DCBLD1: variants seen among roughly 807,000 people sequenced by gnomAD.
DCBLD1 encodes discoidin, CUB and LCCL domain containing 1.
In DCBLD1, 57 loss-of-function variants were observed where a neutral mutation model predicts 71.5. The observed-to-expected ratio is 0.80, with a 90% CI of 0.64 to 0.99. The LOEUF (loss-of-function observed/expected upper bound fraction) is 0.99, where lower values mean the gene tolerates loss of function less well. Among genes scored for constraint, DCBLD1 ranks in the 50% least tolerant of loss-of-function variants. The probability of loss-of-function intolerance (pLI) is 0.00; values close to 1 mark genes in which losing one functional copy is unlikely to be tolerated. For missense variants in DCBLD1, 891 were observed against 923.5 expected, an observed-to-expected ratio of 0.96 and a Z score of 0.46; for synonymous variants, 380 against 363.8, an observed-to-expected ratio of 1.04 and a Z score of -0.51.
At chr6:117,528,463 A>G (rs1170341576) in intron 5 of DCBLD1, among the ~76,000 whole-genome samples, 1 of 152,160 alleles carries the variant, frequency 6.6e-6, no homozygotes, top group Non-Finnish European at 1.5e-5. Context: ...TTTTTGTTAC[A>G]CTTCCTTTTA....
At chr6:117,566,409 C>T (rs1201547455) in intron 14 of DCBLD1, among the ~76,000 whole-genome samples, 5 of 151,930 alleles carry the variant, frequency 3.3e-5, no homozygotes, top group Non-Finnish European at 7.4e-5. Context: ...ACCAAACATC[C>T]CCAAGATAAT....
chr6:117,490,874 G>A (rs1582962021), intron 1 of DCBLD1, among the ~76,000 whole-genome samples: 1 of 152,098 alleles, frequency 6.6e-6, no homozygotes, highest in Admixed American at 6.5e-5. Flanking sequence ...TTGCATTTGA[G>A]CATGTTTAGT....
At chr6:117,533,666 C>T (rs1374046365) in intron 6 of DCBLD1, among the ~76,000 whole-genome samples, 3 of 152,190 alleles carry the variant, frequency 2.0e-5, no homozygotes, top group Admixed American at 1.3e-4. Context: ...TTGGGACTAA[C>T]ACCCATTTTA....
At chr6:117,504,931 A>T (rs976671112) in intron 2 of DCBLD1, among the ~76,000 whole-genome samples, 1 of 152,178 alleles carries the variant, frequency 6.6e-6, no homozygotes, top group African/African-American at 2.4e-5. Flanking sequence ...TCAAACACAC[A>T]CAGCTTTCTC....
downstream of DCBLD1, among the ~76,000 whole-genome samples, chr6:117,552,809 C>A (rs1779448562): frequency 6.6e-6 from 1 of 152,170 alleles, no homozygotes; most frequent in Admixed American, 6.5e-5. Flanking sequence ...TCCAGCAATT[C>A]TCTATCAGCT....
chr6:117,485,222 C>T (rs1162714960), intron 1 of DCBLD1, among the ~76,000 whole-genome samples: 1 of 152,134 alleles, frequency 6.6e-6, no homozygotes, highest in African/African-American at 2.4e-5. Context: ...ATTTGTGCAA[C>T]CTAAAACTCC....
At position 117,548,653 on chromosome 6, in the gene DCBLD1, T is replaced by C; in HGVS notation, c.*214T>C. Reference sequence around the variant, plus strand: ...CGTGCTGACCCTTAGGGTGCGTCTGTTGGGTTTTGTTGGGCTAGAAAAATG... The same window carrying C: ...CGTGCTGACCCTTAGGGTGCGTCTGCTGGGTTTTGTTGGGCTAGAAAAATG... On this transcript the variant is annotated 3_prime_UTR_variant, in exon 15 of 15. Coordinates refer to ENST00000338728, the MANE Select transcript of DCBLD1 (RefSeq NM_001366458.2). The C allele has an allele frequency of 7.1e-7, 1 of 1,418,228 alleles. No homozygotes were observed. Among genetic ancestry groups the C allele is most frequent in the Non-Finnish European group, 9.2e-7 (1 of 1,092,140 alleles). The allele number at this position is 1,418,228 out of a possible 1,614,324, so 87.9% of individuals were successfully genotyped here.
chr6:117,490,104 C>CACAG (rs1404072607), intron 1 of DCBLD1, among the ~76,000 whole-genome samples: 1 of 142,604 alleles, frequency 7.0e-6, no homozygotes, highest in Admixed American at 6.8e-5. Context: ...CACACACACA[C>CACAG]ACACACACAC....
At chr6:117,490,675 C>T (rs1777260631) in intron 1 of DCBLD1, among the ~76,000 whole-genome samples, 1 of 150,088 alleles carries the variant, frequency 6.7e-6, no homozygotes, top group Non-Finnish European at 1.5e-5. Context: ...CATTATTAGA[C>T]TATTTGGAGT....
intron 4 of DCBLD1, among the ~76,000 whole-genome samples, chr6:117,522,687 G>A (rs1222343478): frequency 6.6e-6 from 1 of 152,128 alleles, no homozygotes; most frequent in East Asian, 1.9e-4. Context: ...GCTTCCCAAA[G>A]TGCTGGGATT....
intron 14 of DCBLD1, chr6:117,563,507 A>C (rs993740597): frequency 7.0e-6 from 6 of 855,530 alleles, no homozygotes; most frequent in Non-Finnish European, 1.1e-5. Context: ...GGATAACCTG[A>C]GGTTAGGGGT....
intron 1 of DCBLD1, among the ~76,000 whole-genome samples, chr6:117,495,261 A>G (rs1290828031): frequency 6.6e-6 from 1 of 152,206 alleles, no homozygotes; most frequent in Non-Finnish European, 1.5e-5. Context: ...AGGAAAATTG[A>G]TATACACTAA....
At chr6:117,515,705 A>G (rs1478482924) in intron 2 of DCBLD1, among the ~76,000 whole-genome samples, 1 of 152,214 alleles carries the variant, frequency 6.6e-6, no homozygotes. Flanking sequence ...GTTTATAAAA[A>G]TCCATATTAT....
intron 1 of DCBLD1, among the ~76,000 whole-genome samples, chr6:117,501,494 C>T (rs1342699646): frequency 1.3e-5 from 2 of 152,078 alleles, no homozygotes; most frequent in African/African-American, 4.8e-5. Context: ...CTACCATGCC[C>T]AGCTAATTTT....
At chr6:117,521,475 TCC>T in intron 3 of DCBLD1, 48 bp from the exon 4 acceptor site, 1 of 1,423,334 alleles carries the variant, frequency 7.0e-7, no homozygotes, top group Non-Finnish European at 9.7e-7. Context: ...AGCATGAGTG[TCC>T]TAGTTTTTAT....
chr6:117,507,494 T>C (rs1398912131), intron 2 of DCBLD1, among the ~76,000 whole-genome samples: 9 of 152,210 alleles, frequency 5.9e-5, no homozygotes, highest in Admixed American at 5.9e-4. Flanking sequence ...CTGAGATATG[T>C]GTGCTATTAA....
rs1437354469 is a variant in DCBLD1, at chr6:117,562,735, C to A, written c.1616-6885C>A. On this transcript the variant is annotated intron_variant, in intron 14 of 14. Coordinates refer to the DCBLD1 transcript ENST00000296955. ...TAATTGGTTTAGATTTTAGGATGCACAATAAATTTTTTTAAGTCTAAAGCC... is the reference window on the plus strand; with the variant it reads ...TAATTGGTTTAGATTTTAGGATGCAAAATAAATTTTTTTAAGTCTAAAGCC... The A allele has an allele frequency of 1.4e-5, 3 of 206,912 alleles. No individual in the cohort carries two copies. In the Admixed American group the frequency reaches 1.8e-4, roughly 12 times the overall value. The allele number at this position is 206,912 out of a possible 1,614,324, so 12.8% of individuals were successfully genotyped here. A position where few individuals can be genotyped will look rare whatever the true frequency, so the allele number is the denominator to read the frequency against.
At chr6:117,525,335 A>C (rs1379449324) in intron 4 of DCBLD1, 27 bp from the exon 5 acceptor site, 18 of 1,433,724 alleles carry the variant, frequency 1.3e-5, no homozygotes, top group Non-Finnish European at 1.6e-5. Flanking sequence ...TTAATAAAAT[A>C]TAAATTATTT....
Position 117,537,223 on chromosome 6 carries a change from A to T in DCBLD1, c.758A>T (p.Asn253Ile). 6.2e-7 allele frequency: 1 copy of T among 1,613,710 alleles called. No individual in the cohort carries two copies. Among genetic ancestry groups the T allele is most frequent in the South Asian group, 1.1e-5 (1 of 91,052 alleles). The change falls in exon 7 of 15, where the codon AAT becomes ATT. Residue 253 changes from asparagine (N) to isoleucine (I), a missense_variant and splice_region_variant. Coordinates refer to ENST00000338728, the MANE Select transcript of DCBLD1 (RefSeq NM_001366458.2). The stretch of plus-strand genomic sequence containing the variant: ...GACAAGCGATTTCTGTTTACCTCCA[A>T]TGGTAAGGATCATGCTTTCCTTAAG... Reference protein sequence around the residue: ...LSDKRFLFTSNGCSRSLSFEP... With the variant: ...LSDKRFLFTSIGCSRSLSFEP...
Sources: allele counts gnomAD v4.1 joint callset (sites outside exome capture counted in the v4.1 genomes callset), GRCh38; gene constraint gnomAD v4.1.1; transcripts MANE v1.5; gene names NCBI Gene and HGNC (gene_info 2026-07-23, HGNC 2026-07-21).